NDE1: variants seen among roughly 807,000 people sequenced by gnomAD.
The protein encoded by NDE1 is nuclear distribution protein nudE homolog 1.
A neutral mutation model predicts 43.4 loss-of-function variants in NDE1; 28 were observed. The ratio of observed to expected loss-of-function variants is 0.65; its 90% CI spans 0.48 to 0.89. The LOEUF (loss-of-function observed/expected upper bound fraction) is 0.89, where lower values mean the gene tolerates loss of function less well. Among genes scored for constraint, NDE1 ranks in the 40% least tolerant of loss-of-function variants. NDE1 has a pLI of 0.00. For synonymous variants in NDE1, 184 were observed against 172.0 expected (o/e 1.07, Z -0.55); for missense variants, 441 against 434.1 (o/e 1.02, Z -0.14).
chr16:15,690,226 A>G (rs1252170341), intron 5 of NDE1, among the ~76,000 whole-genome samples: 1 of 151,328 alleles, frequency 6.6e-6, no homozygotes. Context: ...TTGTATTTTT[A>G]ATAGAGACGG....
chr16:15,696,481 G>A (rs1567659841), intron 7 of NDE1, among the ~76,000 whole-genome samples: 1 of 152,038 alleles, frequency 6.6e-6, no homozygotes, highest in South Asian at 2.1e-4. Flanking sequence ...CTCCCAGAGT[G>A]CTGGGATTAT....
At chr16:15,715,126 G>C (rs746140803) in intron 8 of NDE1, 2 of 1,612,540 alleles carry the variant, frequency 1.2e-6, no homozygotes, top group East Asian at 2.2e-5. Context: ...GCCGGCTGGG[G>C]GCTGGGGGCT....
intron 7 of NDE1, chr16:15,695,390 C>T (rs1306656869): frequency 6.6e-6 from 4 of 603,462 alleles, no homozygotes; most frequent in Non-Finnish European, 8.3e-6. Context: ...CACCTGCGAT[C>T]CCAGCTACTT....
chr16:15,721,490 G>A lies in NDE1; in HGVS notation c.948-2701G>A, dbSNP rs144823441. The A allele has an allele frequency of 1.4e-5, 23 of 1,614,070 alleles. No individual in the cohort carries two copies. The highest frequency in any genetic ancestry group is 3.3e-4 in the Middle Eastern group (2 of 6,084). ...TCGGCTTTGAGCATTTTGTTGGTCCGCTCGAGTTCCTCTTTGGCTTCCAAG... is the reference window on the plus strand; with the variant it reads ...TCGGCTTTGAGCATTTTGTTGGTCCACTCGAGTTCCTCTTTGGCTTCCAAG... On this transcript the variant is annotated intron_variant, in intron 8 of 8. Transcript: ENST00000396354.
Position 15,724,810 on chromosome 16 carries a change from G to T in NDE1, c.*559G>T, listed in dbSNP as rs886051747. The stretch of plus-strand genomic sequence containing the variant: ...TTCTTGAAGCAGCTCCTGCAAAAGG[G>T]ATGCAAAGAGGTCCCAGGGACCTGC... On this transcript the variant is annotated 3_prime_UTR_variant, in exon 9 of 9. Coordinates refer to ENST00000396354, the MANE Select transcript of NDE1 (RefSeq NM_017668.3). The T allele has an allele frequency of 6.2e-7, 1 of 1,613,758 alleles. No individual in the cohort carries two copies. The highest frequency in any genetic ancestry group is 8.5e-7 in the Non-Finnish European group (1 of 1,180,022).
intron 7 of NDE1, chr16:15,696,121 T>TGCTTGAGCCTGGGA (rs71293164): frequency 0.72 from 109,781 of 151,822 alleles, 40,533 homozygotes; most frequent in African/African-American, 0.89. Flanking sequence ...GTGGAAGGAT[T>TGCTTGAGCCTGGGA]GGTTGAGGCT....
intron 8 of NDE1, chr16:15,714,770 A>T (rs1195814105): frequency 9.0e-6 from 10 of 1,107,720 alleles, no homozygotes; most frequent in Non-Finnish European, 1.2e-5. Context: ...CTTAGTGATT[A>T]AGGAGAAGCA....
chr16:15,721,257 A>G, intron 8 of NDE1: 1 of 977,266 alleles, frequency 1.0e-6, no homozygotes, highest in Admixed American at 2.0e-5. Flanking sequence ...CTCGACTGCC[A>G]TTCTCAGCCC....
At chr16:15,667,098 T>A (rs896174473) in intron 2 of NDE1, among the ~76,000 whole-genome samples, 188 bp from the exon 3 acceptor site, 2 of 151,964 alleles carry the variant, frequency 1.3e-5, no homozygotes, top group Non-Finnish European at 2.9e-5. Flanking sequence ...ATACAAAAAT[T>A]AGCTGGGTGT....
rs1397125623 is a variant in NDE1, at chr16:15,664,788, T to C, written c.10T>C (p.Ser4Pro). ...TTCCCCTGTTTTCACAATGGAGGAC[T>C]CCGGAAAGACTTTCAGCTCCGAGGA... MED[S>P]GKTFSSEEEE... The change falls in exon 2 of 9, where the codon TCC becomes CCC. Residue 4 changes from serine to proline, a missense_variant. By Grantham distance (74) the Ser-to-Pro change is moderately conservative. Transcript: ENST00000396354. 3.7e-6 allele frequency: 6 copies of C among 1,612,384 alleles called. No individual in the cohort carries two copies. The highest frequency in any genetic ancestry group is 3.3e-5 in the Admixed American group (2 of 59,934).
chr16:15,672,228 A>C (rs1370760836), intron 3 of NDE1, among the ~76,000 whole-genome samples: 1 of 151,954 alleles, frequency 6.6e-6, no homozygotes, highest in Non-Finnish European at 1.5e-5. Flanking sequence ...AGGTCAAGAG[A>C]TTGAGACTGT....
chr16:15,723,384 T>C (rs1330607225), intron 8 of NDE1, among the ~76,000 whole-genome samples: 2 of 152,154 alleles, frequency 1.3e-5, no homozygotes, highest in South Asian at 4.1e-4. Flanking sequence ...TAGTGGCTCA[T>C]ACCTATAATC....
chr16:15,718,155 T>C (rs2151200683), intron 8 of NDE1: 5 of 1,116,218 alleles, frequency 4.5e-6, no homozygotes, highest in South Asian at 1.3e-5. Context: ...TGGGCACTGG[T>C]GTAAGGGCCC....
chr16:15,721,381 A>G (rs1399876199), intron 8 of NDE1: 17 of 1,597,996 alleles, frequency 1.1e-5, no homozygotes, highest in Non-Finnish European at 1.5e-5. Context: ...GAGGGTGGGC[A>G]GGCGAAACAT....
intron 4 of NDE1, chr16:15,686,629 G>C (rs1276918673): frequency 1.3e-6 from 1 of 787,550 alleles, no homozygotes; most frequent in African/African-American, 1.9e-5. Context: ...AGTGAGCTGT[G>C]ATTGTACCAC....
chr16:15,673,582 G>C (rs546862206), intron 3 of NDE1, among the ~76,000 whole-genome samples: 66 of 151,216 alleles, frequency 4.4e-4, no homozygotes, highest in African/African-American at 1.5e-3. Context: ...GCCTGGGCTA[G>C]AGTGCAGTGG....
intron 8 of NDE1, chr16:15,721,323 T>C: frequency 7.4e-7 from 1 of 1,360,128 alleles, no homozygotes; most frequent in Non-Finnish European, 1.0e-6. Context: ...GATAGTTCGC[T>C]ATGAAAAAGG....
chr16:15,695,203 C>CTTTTTTTTTTTTTTTTTTTTTTTT (rs71134451), intron 7 of NDE1, among the ~76,000 whole-genome samples: 1 of 79,680 alleles, frequency 1.3e-5, no homozygotes, highest in African/African-American at 5.5e-5. Context: ...AAACTGCCAC[C>CTTTTTTTTTTTTTTTTTTTTTTTT]TTTTTTTTTT....
In NDE1 at chr16:15,694,309, G is replaced by A. The variant is rs1212803735; in HGVS notation, c.795+53G>A. ...TGCCTTCCTGCCTGTCTTTCAGGATGTGTGAAGGGGGTTGATCTAGTTCCT... is the reference window on the plus strand; with the variant it reads ...TGCCTTCCTGCCTGTCTTTCAGGATATGTGAAGGGGGTTGATCTAGTTCCT... On this transcript the variant is annotated intron_variant, in intron 7 of 8. Coordinates refer to ENST00000396354, the MANE Select transcript of NDE1 (RefSeq NM_017668.3). 14 of 1,596,134 alleles carry A rather than the reference G, an allele frequency of 8.8e-6. No homozygotes were observed. The South Asian group carries it at 1.6e-4, about 18-fold the overall frequency.
Sources: allele counts gnomAD v4.1 joint callset (sites outside exome capture counted in the v4.1 genomes callset), GRCh38; gene constraint gnomAD v4.1.1; transcripts MANE v1.5; gene names NCBI Gene and HGNC (gene_info 2026-07-23, HGNC 2026-07-21).